ACOT11: variants seen among roughly 807,000 people sequenced by gnomAD.
The protein encoded by ACOT11 is acyl-CoA thioesterase 11.
A neutral mutation model predicts 77.5 loss-of-function variants in ACOT11; 69 were observed. The ratio of observed to expected loss-of-function variants is 0.89; its 90% CI spans 0.73 to 1.09. ACOT11 has a LOEUF of 1.09. Among genes scored for constraint, ACOT11 ranks in the 50% least tolerant of loss-of-function variants. ACOT11 has a pLI of 0.00. For missense variants in ACOT11, 766 were observed against 813.7 expected (o/e 0.94, Z 0.71); for synonymous variants, 279 against 313.0 (o/e 0.89, Z 1.15).
chr1:54,638,794 G>A (rs563443732), exon 17 of ACOT11: 1 of 152,360 alleles, frequency 6.6e-6, no homozygotes, highest in Non-Finnish European at 1.5e-5. Context: ...GGGATTACAG[G>A]TGTGAACCAC....
chr1:54,616,663 G>A (rs545701250), intron 15 of ACOT11, among the ~76,000 whole-genome samples: 3 of 152,210 alleles, frequency 2.0e-5, no homozygotes, highest in East Asian at 1.9e-4. Context: ...GTGAGCCACC[G>A]TGCCCGGCCC....
At position 54,627,619 on chromosome 1, in the gene ACOT11, G is replaced by C. The variant is rs542930678; in HGVS notation, c.1630-3115G>C. On this transcript the variant is annotated intron_variant, in intron 15 of 16. Transcript: ENST00000371316. ...ATGTGAAACAGCCATTTTATTAATAGAGCTGGTGCACATCAAAAACACAGA... is the reference window on the plus strand; with the variant it reads ...ATGTGAAACAGCCATTTTATTAATACAGCTGGTGCACATCAAAAACACAGA... Among the ~76,000 whole-genome samples the C allele has an allele frequency of 1.0e-3, 140 of 135,300 alleles. 17 individuals carry two copies. The highest frequency in any genetic ancestry group is 3.4e-3 in the African/African-American group (134 of 39,700). The allele number at this position is 135,300 out of a possible 152,430, so 88.8% of individuals were successfully genotyped here.
At position 54,584,882 on chromosome 1, in the gene ACOT11, G is replaced by T. The variant is rs748418624; in HGVS notation, c.241+20G>T. The T allele has an allele frequency of 1.9e-6, 3 of 1,600,088 alleles. No individual in the cohort carries two copies. The highest frequency in any genetic ancestry group is 1.7e-5 in the Admixed American group (1 of 58,598). On this transcript the variant is annotated intron_variant, in intron 2 of 15. Transcript: ENST00000343744. This position sits in a 1 kb window ranked among gnomAD's most constrained non-coding sequence, Gnocchi z 6.3. ...TGTCCGGTAAGGCTGCGCTCCCCATGGTTCCCTACCTGCCCCACAGGCCCA... is the reference window on the plus strand; with the variant it reads ...TGTCCGGTAAGGCTGCGCTCCCCATTGTTCCCTACCTGCCCCACAGGCCCA...
rs541465662 is a variant in ACOT11 at position 54,620,654 on chromosome 1, G to A, written c.1630-10080G>A. Among the ~76,000 whole-genome samples, 12 of 149,630 alleles carry A rather than the reference G, an allele frequency of 8.0e-5. No homozygotes were observed. The South Asian group carries it at 2.6e-3, about 33-fold the overall frequency. ...GAGATTAGGAGTTCGAGACCAGCCT[G>A]GCCAACATGGTGAAACCATGTCTCT... On this transcript the variant is annotated intron_variant, in intron 15 of 16. Transcript: ENST00000371316.
intron 10 of ACOT11, 117 bp downstream of exon 10, chr1:54,602,841 CT>C: frequency 1.8e-6 from 2 of 1,112,622 alleles, no homozygotes; most frequent in Non-Finnish European, 2.4e-6. Context: ...GGGCCGGGCC[CT>C]TTACATCCTC....
chr1:54,570,448 A>C (rs1176496542), intron 1 of ACOT11, among the ~76,000 whole-genome samples: 2 of 152,226 alleles, frequency 1.3e-5, no homozygotes, highest in Non-Finnish European at 2.9e-5. Flanking sequence ...CAGTCACAGC[A>C]CTTACCCTTG....
At chr1:54,613,035 A>G (rs1178575305), downstream of ACOT11, among the ~76,000 whole-genome samples, 1 of 151,894 alleles carries the variant, frequency 6.6e-6, no homozygotes, top group African/African-American at 2.4e-5. Context: ...GCGTGTGGGA[A>G]TCTGAGCTCT....
chr1:54,569,899 G>A (rs188960051), intron 1 of ACOT11, among the ~76,000 whole-genome samples: 3 of 152,260 alleles, frequency 2.0e-5, no homozygotes, highest in Admixed American at 2.0e-4. Context: ...GTCTCTTCAG[G>A]TAAGCCATTT....
intron 1 of ACOT11, among the ~76,000 whole-genome samples, chr1:54,574,970 G>A (rs1267592476): frequency 6.6e-6 from 1 of 152,222 alleles, no homozygotes; most frequent in Non-Finnish European, 1.5e-5. Context: ...GGAGCTGGGT[G>A]GGAGTGCTTG....
intron 8 of ACOT11, 141 bp from the exon 9 acceptor site, chr1:54,601,128 T>G: frequency 1.2e-6 from 1 of 801,640 alleles, no homozygotes; most frequent in Non-Finnish European, 1.8e-6. Flanking sequence ...TGTGTGTGTA[T>G]GTGTGTGCAT....
rs56229276 is a variant in ACOT11, at chr1:54,617,709, ATTTTTTTTTTT to A, written c.1629+9666_1629+9676del. On this transcript the variant is annotated intron_variant, in intron 15 of 16. Transcript: ENST00000371316. ...CACTAGGTCTGCAGCAGGGCCTGAG[ATTTTTTTTTTT>A]TTTTTTTTTTTTTTTTTTTTTTTTA... Among the ~76,000 whole-genome samples the A allele has an allele frequency of 3.7e-3, 208 of 55,766 alleles. 1 individual carries two copies. The highest frequency in any genetic ancestry group is 0.034 in the Middle Eastern group (2 of 58). The allele number at this position is 55,766 out of a possible 152,430, so 36.6% of individuals were successfully genotyped here.
rs893526731 is a variant in ACOT11 at position 54,635,347 on chromosome 1, C to G, written c.*618C>G. 4 of 269,064 alleles carry G rather than the reference C, an allele frequency of 1.5e-5. No individual in the cohort carries two copies. The South Asian group carries it at 1.5e-4, about 10-fold the overall frequency. The allele number at this position is 269,064 out of a possible 1,614,324, so 16.7% of individuals were successfully genotyped here. The stretch of plus-strand genomic sequence containing the variant: ...AGTCAGATGGTAGAAATGTTAAGTA[C>G]GGCAAAAGTTCCTATTATCTGGAAC... On this transcript the variant is annotated 3_prime_UTR_variant, in exon 17 of 17. Coordinates refer to the ACOT11 transcript ENST00000371316.
At chr1:54,605,271 T>G (rs1644011601) in intron 13 of ACOT11, 62 bp downstream of exon 13, 4 of 1,568,544 alleles carry the variant, frequency 2.6e-6, no homozygotes, top group Non-Finnish European at 3.4e-6. Flanking sequence ...GGAGAGAGTG[T>G]CTCCTTCTGC....
At chr1:54,563,981 G>A (rs1653645230) in intron 1 of ACOT11, among the ~76,000 whole-genome samples, 1 of 151,558 alleles carries the variant, frequency 6.6e-6, no homozygotes, top group African/African-American at 2.4e-5. Context: ...CAGGAGAATC[G>A]CTTGAACCCA....
chr1:54,594,098 C>T (rs927478744), intron 5 of ACOT11, 59 bp downstream of exon 5: 34 of 1,497,202 alleles, frequency 2.3e-5, no homozygotes, highest in Admixed American at 3.4e-5. Flanking sequence ...CCTGCCATGG[C>T]GAGTCTGGCT....
chr1:54,564,562 G>GCAGC (rs1653670183), intron 1 of ACOT11, among the ~76,000 whole-genome samples: 1 of 152,268 alleles, frequency 6.6e-6, no homozygotes. Context: ...CTTCCTTTCA[G>GCAGC]CAGCCTCTGG....
chr1:54,601,466 T>G lies in ACOT11; in HGVS notation c.1029+53T>G, dbSNP rs1326248744. 6 of 1,584,550 alleles carry G rather than the reference T, an allele frequency of 3.8e-6. No individual in the cohort carries two copies. In the East Asian group the frequency reaches 1.3e-4, roughly 35 times the overall value. The stretch of plus-strand genomic sequence containing the variant: ...CAGCAGCTCCCCTCCCCTCCCTCTC[T>G]GCCCTGGCATGGTGGAGACTGCCAG... On this transcript the variant is annotated intron_variant, in intron 9 of 15. Transcript: ENST00000343744.
intron 15 of ACOT11, among the ~76,000 whole-genome samples, chr1:54,622,095 G>A (rs1346533308): frequency 6.6e-6 from 1 of 151,438 alleles, no homozygotes; most frequent in African/African-American, 2.4e-5. Flanking sequence ...CCAACATGGT[G>A]AAACCCCGTC....
chr1:54,631,183 C>G (rs909092734), intron 16 of ACOT11, among the ~76,000 whole-genome samples: 1 of 152,118 alleles, frequency 6.6e-6, no homozygotes, highest in Non-Finnish European at 1.5e-5. Flanking sequence ...AGTGACTGTT[C>G]GAGCAGCGCC....
Sources: gnomAD v4.1 joint callset for allele counts (sites outside exome capture counted in the v4.1 genomes callset) on GRCh38, gnomAD v4.1.1 for gene constraint, Gnocchi (gnomAD v3.1) non-coding constraint, MANE v1.5 for transcripts, NCBI Gene and HGNC (gene_info 2026-07-23, HGNC 2026-07-21) for gene names.